RALYL: variants seen among roughly 807,000 people sequenced by gnomAD.
The protein encoded by RALYL is RNA-binding Raly-like protein.
Under a neutral mutation model 35.1 loss-of-function variants are expected in RALYL, and 29 were observed. The ratio of observed to expected loss-of-function variants is 0.83; its 90% confidence interval spans 0.61 to 1.13. The LOEUF (loss-of-function observed/expected upper bound fraction) is 1.13. Among genes scored for constraint, RALYL ranks in the 50% most tolerant of loss-of-function variants. RALYL has a pLI of 0.00. For missense variants in RALYL, 359 were observed against 360.4 expected, an observed-to-expected ratio of 1.00 and a Z score of 0.03; for synonymous variants, 120 against 127.6, an observed-to-expected ratio of 0.94 and a Z score of 0.40.
chr8:84,459,451 TG>T (rs1199718607), intron 1 of RALYL, among the ~76,000 whole-genome samples: 5 of 151,620 alleles, frequency 3.3e-5, no homozygotes, highest in African/African-American at 1.2e-4. Flanking sequence ...AAACATAAAA[TG>T]GGGAGGCAAC....
At chr8:84,297,879 C>A (rs576081557) in intron 1 of RALYL, among the ~76,000 whole-genome samples, 1 of 152,072 alleles carries the variant, frequency 6.6e-6, no homozygotes, top group African/African-American at 2.4e-5. Flanking sequence ...ACTCTGCCCA[C>A]TTTTCTAATG....
chr8:84,620,361 T>C (rs1382117884), intron 2 of RALYL, among the ~76,000 whole-genome samples: 1 of 152,144 alleles, frequency 6.6e-6, no homozygotes, highest in Non-Finnish European at 1.5e-5. Context: ...CCATTGCTGA[T>C]ACCCTTTCTT....
intron 1 of RALYL, among the ~76,000 whole-genome samples, chr8:84,254,433 T>A (rs1830823124): frequency 6.6e-6 from 1 of 152,108 alleles, no homozygotes; most frequent in Non-Finnish European, 1.5e-5. Context: ...CTTGGCTAGC[T>A]GTTCTATAAA....
chr8:84,385,924 C>T (rs1218669214), intron 1 of RALYL, among the ~76,000 whole-genome samples: 4 of 151,846 alleles, frequency 2.6e-5, no homozygotes, highest in Non-Finnish European at 5.9e-5. Context: ...CAAGTAGCCA[C>T]TCCCTCCTTT....
chr8:84,428,106 T>TCTCACACA (rs1182382963), intron 1 of RALYL, among the ~76,000 whole-genome samples: 19 of 127,272 alleles, frequency 1.5e-4, no homozygotes, highest in African/African-American at 2.8e-4. Context: ...TCTCTCTCTC[T>TCTCACACA]CACACACACA....
intron 2 of RALYL, among the ~76,000 whole-genome samples, chr8:84,728,370 A>G (rs1845425180): frequency 6.6e-6 from 1 of 152,006 alleles, no homozygotes; most frequent in African/African-American, 2.4e-5. Context: ...GATTCTGGAT[A>G]TTAGCCCTTT....
At chr8:84,639,440 C>G (rs1340572313) in intron 2 of RALYL, among the ~76,000 whole-genome samples, 1 of 151,750 alleles carries the variant, frequency 6.6e-6, no homozygotes, top group Non-Finnish European at 1.5e-5. Flanking sequence ...TAATGCTGAT[C>G]AGTTGTGTCT....
intron 1 of RALYL, among the ~76,000 whole-genome samples, chr8:84,354,951 T>G (rs1276006463): frequency 1.3e-5 from 2 of 150,316 alleles, no homozygotes; most frequent in Non-Finnish European, 3.0e-5. Context: ...TCCTGCATTT[T>G]TGTCAGCATA....
At chr8:84,780,416 C>G (rs1817871223) in intron 3 of RALYL, among the ~76,000 whole-genome samples, 2 of 152,120 alleles carry the variant, frequency 1.3e-5, no homozygotes, top group African/African-American at 4.8e-5. Context: ...AGAGAAAATA[C>G]CAAAAACGGT....
At chr8:84,702,901 A>C (rs1840459889) in intron 2 of RALYL, among the ~76,000 whole-genome samples, 1 of 152,166 alleles carries the variant, frequency 6.6e-6, no homozygotes, top group Non-Finnish European at 1.5e-5. Context: ...TGTAGGGAGT[A>C]GATGAGGAGA....
chr8:84,373,345 GT>G (rs1235571852), intron 1 of RALYL, among the ~76,000 whole-genome samples: 1 of 151,850 alleles, frequency 6.6e-6, no homozygotes, highest in African/African-American at 2.4e-5. Context: ...GGTTTTTATA[GT>G]TTCAGGTTTT....
At chr8:84,709,430 G>A (rs186608872) in intron 2 of RALYL, among the ~76,000 whole-genome samples, 7 of 152,022 alleles carry the variant, frequency 4.6e-5, no homozygotes, top group East Asian at 3.9e-4. Context: ...GGACATACAC[G>A]TGTATATATA....
At chr8:84,462,033 G>A (rs1381933989) in intron 1 of RALYL, among the ~76,000 whole-genome samples, 1 of 151,710 alleles carries the variant, frequency 6.6e-6, no homozygotes, top group East Asian at 1.9e-4. Flanking sequence ...CCAGATTGCA[G>A]CAGTGCCATT....
intron 2 of RALYL, among the ~76,000 whole-genome samples, chr8:84,728,601 G>T (rs578015007): frequency 6.6e-6 from 1 of 152,224 alleles, no homozygotes; most frequent in East Asian, 1.9e-4. Flanking sequence ...GGTTTTTATG[G>T]TTTTAGGTGT....
At chr8:84,731,892 G>A (rs1846245497) in intron 2 of RALYL, among the ~76,000 whole-genome samples, 1 of 152,040 alleles carries the variant, frequency 6.6e-6, no homozygotes, top group Admixed American at 6.6e-5. Context: ...GCTCACACTG[G>A]TGTTGCTTCA....
chr8:84,351,249 A>G (rs539315603), intron 1 of RALYL, among the ~76,000 whole-genome samples: 1 of 150,182 alleles, frequency 6.7e-6, no homozygotes, highest in East Asian at 1.9e-4. Flanking sequence ...ACTGATCAAT[A>G]AGAGGAAAAC....
intron 2 of RALYL, among the ~76,000 whole-genome samples, chr8:84,744,519 C>A (rs1305016684): frequency 2.0e-5 from 3 of 151,988 alleles, no homozygotes; most frequent in African/African-American, 2.4e-5. Flanking sequence ...AGTCTAATTT[C>A]TTGACCTTTG....
chr8:84,266,788 G>A (rs1563637297), intron 1 of RALYL, among the ~76,000 whole-genome samples: 1 of 151,734 alleles, frequency 6.6e-6, no homozygotes, highest in Non-Finnish European at 1.5e-5. Context: ...GTGAAACCCC[G>A]TCTCTACTAA....
At chr8:84,834,972 G>T (rs916095573) in intron 4 of RALYL, among the ~76,000 whole-genome samples, 2 of 152,126 alleles carry the variant, frequency 1.3e-5, no homozygotes, top group Admixed American at 1.3e-4. Flanking sequence ...ATAGAAGTGT[G>T]CTTAAGAAGC....
Sources: allele counts gnomAD v4.1 joint callset (sites outside exome capture counted in the v4.1 genomes callset), GRCh38; gene constraint gnomAD v4.1.1; transcripts MANE v1.5; gene names NCBI Gene and HGNC (gene_info 2026-07-23, HGNC 2026-07-21).